BBX: variants seen among roughly 807,000 people sequenced by gnomAD.
BBX encodes the protein HMG box transcription factor BBX.
Under a neutral mutation model 100.2 loss-of-function variants are expected in BBX, and 30 were observed. The observed-to-expected ratio is 0.30, with a 90% CI of 0.22 to 0.41. The LOEUF is 0.41. BBX is among the 10% of genes least tolerant of loss of function. The probability of loss-of-function intolerance (pLI) is 1.00; values close to 1 mark genes in which losing one functional copy is unlikely to be tolerated. For missense variants in BBX, 1,023 were observed against 1,129.8 expected (o/e 0.91, Z 1.35); for synonymous variants, 376 against 388.1 (o/e 0.97, Z 0.37).
At chr3:107,730,312 G>T (rs890133874) in intron 6 of BBX, among the ~76,000 whole-genome samples, 4 of 152,032 alleles carry the variant, frequency 2.6e-5, no homozygotes, top group Non-Finnish European at 5.9e-5. Context: ...GAGTTTTCTG[G>T]ACTTCCCAGG....
intron 10 of BBX, among the ~76,000 whole-genome samples, chr3:107,758,577 C>T (rs926757269): frequency 5.3e-5 from 8 of 152,030 alleles, no homozygotes; most frequent in East Asian, 3.9e-4. Flanking sequence ...ACTGGTTTGC[C>T]GTCCTTATAC....
At chr3:107,528,465 TG>T (rs2107290924) in intron 2 of BBX, among the ~76,000 whole-genome samples, 1 of 152,318 alleles carries the variant, frequency 6.6e-6, no homozygotes, top group South Asian at 2.1e-4. Flanking sequence ...TTTTAAAATT[TG>T]CAATTTTTGA....
intron 3 of BBX, chr3:107,657,112 C>T (rs899265850): frequency 6.6e-6 from 1 of 151,502 alleles, no homozygotes; most frequent in Non-Finnish European, 1.5e-5. Context: ...TGAGATGGAA[C>T]AGAAGGAAAA....
In BBX at chr3:107,686,678, A is replaced by G. The variant is rs991448040; in HGVS notation, c.-9-23774A>G. On this transcript the variant is annotated intron_variant, in intron 3 of 17. Transcript: ENST00000325805. ...GGAGGAGCCTCTCAGTGTTCCAGGT[A>G]GTTCTTCCCTGAGCACACGAATGGT... Among the ~76,000 whole-genome samples, 30 of 152,134 alleles carry G rather than the reference A, an allele frequency of 2.0e-4. 1 individual carries two copies. The highest frequency in any genetic ancestry group is 6.5e-4 in the African/African-American group (27 of 41,430).
chr3:107,574,261 A>G (rs904276454), intron 2 of BBX, among the ~76,000 whole-genome samples: 1 of 152,210 alleles, frequency 6.6e-6, no homozygotes, highest in East Asian at 1.9e-4. Context: ...AGACCTGGAA[A>G]GGTTAGGTAG....
At chr3:107,784,559 C>T (rs1380482982) in intron 13 of BBX, among the ~76,000 whole-genome samples, 1 of 151,718 alleles carries the variant, frequency 6.6e-6, no homozygotes, top group African/African-American at 2.4e-5. Context: ...ATAACTGTCA[C>T]ATCAAAAAAG....
intron 2 of BBX, among the ~76,000 whole-genome samples, chr3:107,580,771 A>G (rs1383309138): frequency 2.6e-5 from 4 of 152,092 alleles, no homozygotes; most frequent in African/African-American, 7.2e-5. Flanking sequence ...AGCTGGGATT[A>G]CAGGCATGCA....
At chr3:107,650,533 G>GTAAT (rs1046611594) in intron 3 of BBX, among the ~76,000 whole-genome samples, 5 of 152,028 alleles carry the variant, frequency 3.3e-5, no homozygotes, top group African/African-American at 7.2e-5. Context: ...GTACAACATA[G>GTAAT]TAATATCTTT....
chr3:107,769,819 A>T (rs948810288), intron 10 of BBX, among the ~76,000 whole-genome samples: 2 of 152,142 alleles, frequency 1.3e-5, no homozygotes, highest in Non-Finnish European at 2.9e-5. Context: ...ACTGTAGTAA[A>T]ATGAATTCCT....
chr3:107,745,630 T>G (rs2064517573), intron 8 of BBX, among the ~76,000 whole-genome samples: 1 of 151,966 alleles, frequency 6.6e-6, no homozygotes, highest in African/African-American at 2.4e-5. Context: ...CCAACTAATT[T>G]TTTTTTTTAA....
At chr3:107,639,821 T>G (rs2057084132) in intron 2 of BBX, among the ~76,000 whole-genome samples, 1 of 152,174 alleles carries the variant, frequency 6.6e-6, no homozygotes, top group African/African-American at 2.4e-5. Context: ...GGGTTAAAAG[T>G]GAGACTGTCA....
chr3:107,571,435 A>G (rs981601954), intron 2 of BBX, among the ~76,000 whole-genome samples: 13 of 152,174 alleles, frequency 8.5e-5, no homozygotes, highest in Non-Finnish European at 1.5e-4. Flanking sequence ...GTTTCCGGAT[A>G]AAATGTGTCT....
chr3:107,617,872 C>T (rs2055413926), intron 2 of BBX, among the ~76,000 whole-genome samples: 1 of 151,828 alleles, frequency 6.6e-6, no homozygotes, highest in African/African-American at 2.4e-5. Context: ...GGTCTGTATG[C>T]CTTTTTTTTT....
At chr3:107,797,337 A>ATATATATATATAT (rs2069789795) in intron 15 of BBX, among the ~76,000 whole-genome samples, 15 of 39,342 alleles carry the variant, frequency 3.8e-4, no homozygotes, top group African/African-American at 7.6e-4. Flanking sequence ...TTTTCTTCCA[A>ATATATATATATAT]ATATATATAT....
At chr3:107,766,379 A>G (rs896682645) in intron 10 of BBX, among the ~76,000 whole-genome samples, 1 of 152,234 alleles carries the variant, frequency 6.6e-6, no homozygotes, top group Non-Finnish European at 1.5e-5. Flanking sequence ...AAAATCCAGT[A>G]TGAGGTAGGG....
intron 10 of BBX, among the ~76,000 whole-genome samples, chr3:107,769,178 A>ATAGATAGG (rs2066653224): frequency 1.7e-5 from 1 of 59,862 alleles, no homozygotes; most frequent in Admixed American, 1.7e-4. Flanking sequence ...TCATAGATAG[A>ATAGATAGG]TAGATAGATA....
intron 17 of BBX, among the ~76,000 whole-genome samples, chr3:107,803,504 A>G (rs960184577): frequency 2.6e-5 from 4 of 152,206 alleles, no homozygotes; most frequent in Non-Finnish European, 5.9e-5. Context: ...ACCTGCACTC[A>G]TGCCATGAAA....
At chr3:107,746,166 G>A (rs960830727) in intron 8 of BBX, among the ~76,000 whole-genome samples, 1 of 151,834 alleles carries the variant, frequency 6.6e-6, no homozygotes, top group African/African-American at 2.4e-5. Flanking sequence ...ATTGTATTTA[G>A]GTATAACCTA....
intron 2 of BBX, among the ~76,000 whole-genome samples, chr3:107,636,227 A>G (rs1400867628): frequency 6.6e-6 from 1 of 152,192 alleles, no homozygotes; most frequent in African/African-American, 2.4e-5. Context: ...AAACTCAGGT[A>G]GAATTAGGTC....
Sources: gnomAD v4.1 joint callset for allele counts (sites outside exome capture counted in the v4.1 genomes callset) on GRCh38, gnomAD v4.1.1 for gene constraint, MANE v1.5 for transcripts, NCBI Gene and HGNC (gene_info 2026-07-23, HGNC 2026-07-21) for gene names.